WDR49: variants seen among roughly 807,000 people sequenced by gnomAD.
The protein encoded by WDR49 is WD repeat domain 49.
Under a neutral mutation model 119.5 loss-of-function variants are expected in WDR49, and 107 were observed. That is an observed-to-expected ratio of 0.90 (90% CI 0.77 to 1.05). The LOEUF is 1.05. Ranked by LOEUF, WDR49 falls within the 50% of genes least tolerant of loss-of-function variation. The pLI, the probability that WDR49 is intolerant of heterozygous loss-of-function variation, is 0.00. For missense variants in WDR49, 1,240 were observed against 1,220.5 expected, an observed-to-expected ratio of 1.02 and a Z score of -0.24; for synonymous variants, 425 against 418.8, an observed-to-expected ratio of 1.01 and a Z score of -0.18.
chr3:167,562,178 G>A (rs960714283), intron 8 of WDR49, among the ~76,000 whole-genome samples: 4 of 152,098 alleles, frequency 2.6e-5, no homozygotes, highest in African/African-American at 9.7e-5. Context: ...CATTATTATT[G>A]TTCTTAATAA....
chr3:167,654,091 T>C (rs1238229418), upstream of WDR49: 22 of 152,316 alleles, frequency 1.4e-4, no homozygotes, highest in East Asian at 4.0e-3. Context: ...AATGTTGAAA[T>C]GGTTTTTTTT....
chr3:167,521,731 T>C (rs1021440913), intron 16 of WDR49, among the ~76,000 whole-genome samples: 3 of 152,148 alleles, frequency 2.0e-5, no homozygotes, highest in African/African-American at 7.2e-5. Flanking sequence ...GAGCATGGTT[T>C]AGCAAAAGTG....
At chr3:167,592,020 T>A (rs1250071730) in intron 7 of WDR49, among the ~76,000 whole-genome samples, 4 of 152,162 alleles carry the variant, frequency 2.6e-5, no homozygotes, top group Non-Finnish European at 1.5e-5. Flanking sequence ...TTGTCACTGG[T>A]CATATGATTT....
chr3:167,527,413 G>T (rs76676730), intron 15 of WDR49, among the ~76,000 whole-genome samples: 2,662 of 150,954 alleles, frequency 0.018, 77 homozygotes, highest in African/African-American at 0.061. Flanking sequence ...AGGATGATTG[G>T]TTTTTTTTTC....
intron 5 of WDR49, among the ~76,000 whole-genome samples, chr3:167,617,359 T>C (rs1716646799): frequency 6.6e-6 from 1 of 152,094 alleles, no homozygotes; most frequent in Admixed American, 6.5e-5. Context: ...AAACCCTGTC[T>C]CTACTAAAAA....
rs1269902086 is a variant in WDR49, at chr3:167,515,930, G to C, written c.2774+6385C>G. 4.6e-5 allele frequency among the ~76,000 whole-genome samples: 7 copies of C among 152,132 alleles called. 2 individuals are homozygous for C. In the South Asian group the frequency reaches 1.4e-3, roughly 32 times the overall value. On this transcript the variant is annotated intron_variant, in intron 16 of 18. Coordinates refer to ENST00000682715, the MANE Select transcript of WDR49 (RefSeq NM_001366157.1). ...TCTAGGAATACAGCTATCAAGGAAA[G>C]TGAAGAACCCTCTTCAAGGAGAACT... is the stretch of plus-strand genomic sequence containing the variant.
intron 2 of WDR49, among the ~76,000 whole-genome samples, 154 bp downstream of exon 2, chr3:167,653,107 T>C (rs1299890245): frequency 6.6e-6 from 1 of 152,206 alleles, no homozygotes; most frequent in African/African-American, 2.4e-5. Flanking sequence ...ACCAAGCACA[T>C]TGTGTTAAAT....
At chr3:167,546,994 G>A (rs1355056275) in intron 10 of WDR49, among the ~76,000 whole-genome samples, 1 of 151,718 alleles carries the variant, frequency 6.6e-6, no homozygotes, top group Admixed American at 6.6e-5. Context: ...AATTTGTAGA[G>A]TCAAATTTTG....
intron 8 of WDR49, among the ~76,000 whole-genome samples, chr3:167,573,195 T>C (rs560172548): frequency 1.3e-5 from 2 of 152,154 alleles, no homozygotes; most frequent in East Asian, 3.9e-4. Context: ...GCACGTGCTA[T>C]TCCCATTACT....
intron 2 of WDR49, among the ~76,000 whole-genome samples, chr3:167,651,014 A>C (rs2420025): frequency 0.31 from 46,640 of 152,032 alleles, 7,563 homozygotes; most frequent in African/African-American, 0.43. Flanking sequence ...CCATTTATAC[A>C]ACTGCACAAT....
At chr3:167,497,740 C>T (rs991588547) in intron 18 of WDR49, among the ~76,000 whole-genome samples, 8 of 152,094 alleles carry the variant, frequency 5.3e-5, no homozygotes, top group Middle Eastern at 3.2e-3. Context: ...GTCTTGGTTT[C>T]CTCCTGAATG....
intron 5 of WDR49, among the ~76,000 whole-genome samples, chr3:167,616,264 T>G (rs1239144539): frequency 1.3e-5 from 2 of 152,212 alleles, no homozygotes; most frequent in Non-Finnish European, 2.9e-5. Flanking sequence ...TATTCACTAT[T>G]TAAAAGGCAT....
chr3:167,522,243 A>T, intron 16 of WDR49, 72 bp downstream of exon 16: 1 of 1,426,702 alleles, frequency 7.0e-7, no homozygotes, highest in Non-Finnish European at 9.3e-7. Flanking sequence ...GACACAAGGA[A>T]ATTTGGACCA....
At position 167,627,933 on chromosome 3, in the gene WDR49, C is replaced by T. The variant is rs991490707; in HGVS notation, c.166-641G>A. Among the ~76,000 whole-genome samples the T allele has an allele frequency of 4.6e-5, 7 of 152,142 alleles. No individual in the cohort carries two copies. The South Asian group carries it at 1.5e-3, about 32-fold the overall frequency. On this transcript the variant is annotated intron_variant, in intron 2 of 18. Transcript: ENST00000682715. ...CATTTTTTCAATAGCATCCCTACTT[C>T]GTATCCCTGTGTCACATTCTGGTAA... is the stretch of plus-strand genomic sequence containing the variant.
chr3:167,479,952 C>T (rs948241235), intron 18 of WDR49, among the ~76,000 whole-genome samples: 9 of 151,778 alleles, frequency 5.9e-5, no homozygotes, highest in African/African-American at 9.7e-5. Context: ...AAAAAAAGGC[C>T]GGGCACGGTG....
intron 10 of WDR49, among the ~76,000 whole-genome samples, chr3:167,546,072 G>T (rs759147397): frequency 6.6e-6 from 1 of 151,668 alleles, no homozygotes; most frequent in Non-Finnish European, 1.5e-5. Context: ...CCTTTGAGGA[G>T]GGAGACAGTG....
intron 10 of WDR49, among the ~76,000 whole-genome samples, chr3:167,549,270 T>C (rs1388633394): frequency 4.6e-5 from 7 of 152,256 alleles, no homozygotes; most frequent in Middle Eastern, 3.4e-3. Context: ...ATCGCCACAC[T>C]CTCTTCCACA....
chr3:167,592,359 G>C (rs1715158981), intron 7 of WDR49, among the ~76,000 whole-genome samples: 1 of 151,612 alleles, frequency 6.6e-6, no homozygotes, highest in Non-Finnish European at 1.5e-5. Flanking sequence ...ACAGTTACAG[G>C]GTTATATTCT....
chr3:167,579,823 C>T (rs1363757950), intron 7 of WDR49, among the ~76,000 whole-genome samples: 2 of 152,136 alleles, frequency 1.3e-5, no homozygotes, highest in East Asian at 3.9e-4. Context: ...CTCAAATACT[C>T]ATATTACTAA....
Sources: gnomAD v4.1 joint callset for allele counts (sites outside exome capture counted in the v4.1 genomes callset) on GRCh38, gnomAD v4.1.1 for gene constraint, MANE v1.5 for transcripts, NCBI Gene and HGNC (gene_info 2026-07-23, HGNC 2026-07-21) for gene names.